The following ZNF571 variants were observed in gnomAD, a reference collection of about 807,000 sequenced individuals.
ZNF571 encodes the protein zinc finger protein 571.
In ZNF571, 4 loss-of-function variants were observed where a neutral mutation model predicts 7.7. The observed-to-expected ratio is 0.52, with a 90% confidence interval of 0.25 to 1.18. The LOEUF (loss-of-function observed/expected upper bound fraction) is 1.18, where lower values mean the gene tolerates loss of function less well. ZNF571 is among the 50% of genes most tolerant of loss of function. The probability of loss-of-function intolerance (pLI) is 0.14; values close to 1 mark genes in which losing one functional copy is unlikely to be tolerated. For missense variants in ZNF571, 704 were observed against 726.9 expected, an observed-to-expected ratio of 0.97 and a Z score of 0.36; for synonymous variants, 251 against 232.4, an observed-to-expected ratio of 1.08 and a Z score of -0.73.
intron 3 of ZNF571, among the ~76,000 whole-genome samples, chr19:37,576,738 C>T (rs1236734180): frequency 1.3e-5 from 2 of 152,110 alleles, no homozygotes; most frequent in African/African-American, 4.8e-5. Flanking sequence ...ATTCTGAATA[C>T]ATGATAGCAA....
In ZNF571 at chr19:37,565,447, T is replaced by C; in HGVS notation, c.981A>G (p.Arg327=). 4 of 1,613,008 alleles carry C rather than the reference T, an allele frequency of 2.5e-6. No homozygotes were observed. The highest frequency in any genetic ancestry group is 3.4e-6 in the Non-Finnish European group (4 of 1,179,632). Residue 327 remains arginine (R), a synonymous_variant, in exon 4 of 4, where the codon AGA becomes AGG. Coordinates refer to ENST00000451802, the MANE Select transcript of ZNF571 (RefSeq NM_016536.5). ...ILGSHLTYHQ[R]VHTGEKPYIC... ...TGTAAGGCTTTTCACCAGTATGAACTCTCTGATGGTATGTAAGGTGTGAAC... is the reference window on the plus strand; with the variant it reads ...TGTAAGGCTTTTCACCAGTATGAACCCTCTGATGGTATGTAAGGTGTGAAC...
chr19:37,591,142 CT>C (rs1374787003), intron 1 of ZNF571, among the ~76,000 whole-genome samples: 16 of 152,236 alleles, frequency 1.1e-4, no homozygotes, highest in Middle Eastern at 3.4e-3. Context: ...AAACGACAGC[CT>C]TATGGCAATG....
At chr19:37,584,339 CA>C (rs1249208952) in intron 2 of ZNF571, among the ~76,000 whole-genome samples, 3 of 152,174 alleles carry the variant, frequency 2.0e-5, no homozygotes, top group Non-Finnish European at 4.4e-5. Context: ...CAGATGTGTG[CA>C]GTTTCTTGAT....
intron 3 of ZNF571, among the ~76,000 whole-genome samples, chr19:37,571,222 G>A (rs370497724): frequency 6.6e-6 from 1 of 152,082 alleles, no homozygotes; most frequent in Non-Finnish European, 1.5e-5. Flanking sequence ...ACGATTCCAG[G>A]CACGGTGGCT....
intron 3 of ZNF571, among the ~76,000 whole-genome samples, chr19:37,576,286 A>G (rs977036688): frequency 3.3e-5 from 5 of 152,208 alleles, no homozygotes; most frequent in Admixed American, 3.3e-4. Context: ...CAAGGCACTG[A>G]CAATGCCTAA....
In ZNF571 at chr19:37,565,977, G is replaced by T. The variant is rs761281720; in HGVS notation, c.451C>A (p.Leu151Met). 1.4e-5 allele frequency: 22 copies of T among 1,613,570 alleles called. 1 individual carries two copies. In the South Asian group the frequency reaches 1.6e-4, roughly 12 times the overall value. ...TCCTCATGTTGAATAAGGCATGACA[G>T]GTAGCTGAAACCTTGTCTGCATTCC... ...CKECRQGFSY[L>M]SCLIQHEENH... The change falls in exon 4 of 4, where the codon CTG becomes ATG. Residue 151 changes from leucine (L) to methionine (M), a missense_variant. Physicochemically the swap from Leu to Met is conservative, Grantham distance 15 (BLOSUM62 2). Coordinates refer to ENST00000451802, the MANE Select transcript of ZNF571 (RefSeq NM_016536.5).
intron 3 of ZNF571, among the ~76,000 whole-genome samples, chr19:37,580,115 C>T (rs2043398547): frequency 6.6e-6 from 1 of 152,160 alleles, no homozygotes; most frequent in Non-Finnish European, 1.5e-5. Context: ...TATTGCTATT[C>T]CAACAGGAGT....
intron 1 of ZNF571, among the ~76,000 whole-genome samples, chr19:37,592,288 T>C (rs12459015): frequency 6.6e-6 from 1 of 151,942 alleles, no homozygotes; most frequent in South Asian, 2.1e-4. Flanking sequence ...CAATCATAAG[T>C]GGACGTTATA....
At chr19:37,593,337 A>G (rs116627092) in intron 1 of ZNF571, among the ~76,000 whole-genome samples, 3,311 of 152,294 alleles carry the variant, frequency 0.022, 127 homozygotes, top group African/African-American at 0.075. Context: ...GCCTGCTTGA[A>G]AACATCCACA....
chr19:37,567,803 T>G (rs2042913091), intron 3 of ZNF571: 1 of 152,198 alleles, frequency 6.6e-6, no homozygotes, highest in Admixed American at 6.5e-5. Context: ...TTTTTGCAAT[T>G]CTAAAATTTC....
At position 37,566,016 on chromosome 19, in the gene ZNF571, A is replaced by G. The variant is rs140559419; in HGVS notation, c.412T>C (p.Leu138=). 6 of 1,613,894 alleles carry G rather than the reference A, an allele frequency of 3.7e-6. No homozygotes were observed. Among genetic ancestry groups the G allele is most frequent in the Non-Finnish European group, 5.1e-6 (6 of 1,179,924 alleles). ...FHRIIPTKEK[L]YKCKECRQGF... ...TGTCTGCATTCCTTACATTTGTACA[A>G]TTTTTCCTTGGTAGGAATTATCCGA... The change falls in exon 4 of 4, where the codon TTG becomes CTG. Residue 138 remains leucine, a synonymous_variant. Coordinates refer to ENST00000451802, the MANE Select transcript of ZNF571 (RefSeq NM_016536.5).
intron 1 of ZNF571, among the ~76,000 whole-genome samples, chr19:37,592,952 C>A (rs536777023): frequency 4.6e-5 from 7 of 152,238 alleles, no homozygotes; most frequent in African/African-American, 1.7e-4. Context: ...GTTTGGCCAC[C>A]AAATGCAATG....
intron 1 of ZNF571, among the ~76,000 whole-genome samples, chr19:37,591,859 A>G (rs148917872): frequency 2.0e-3 from 307 of 152,350 alleles, no homozygotes; most frequent in African/African-American, 6.9e-3. Context: ...CCGTATTTTA[A>G]GATAACCAAA....
intron 3 of ZNF571, among the ~76,000 whole-genome samples, chr19:37,572,031 CCT>C (rs2043076999): frequency 2.4e-4 from 2 of 8,258 alleles, no homozygotes; most frequent in Non-Finnish European, 4.5e-4. Flanking sequence ...GTACATTAGT[CCT>C]ATCTATCAAT....
At chr19:37,591,364 G>A (rs1455260862) in intron 1 of ZNF571, among the ~76,000 whole-genome samples, 2 of 152,034 alleles carry the variant, frequency 1.3e-5, no homozygotes, top group Non-Finnish European at 2.9e-5. Context: ...GACTACCACT[G>A]GCTTAAAAAA....
At chr19:37,571,637 T>C (rs1338176683) in intron 3 of ZNF571, among the ~76,000 whole-genome samples, 3 of 152,252 alleles carry the variant, frequency 2.0e-5, no homozygotes, top group African/African-American at 7.2e-5. Flanking sequence ...ACACATTCAG[T>C]ATGCTCCTTG....
chr19:37,582,844 C>A (rs905541891), intron 3 of ZNF571, among the ~76,000 whole-genome samples: 3 of 152,202 alleles, frequency 2.0e-5, no homozygotes, highest in African/African-American at 7.2e-5. Flanking sequence ...AACTAGTCCT[C>A]TCATTAGTCT....
intron 3 of ZNF571, among the ~76,000 whole-genome samples, chr19:37,579,824 T>C (rs964832195): frequency 4.6e-5 from 7 of 152,190 alleles, no homozygotes; most frequent in Non-Finnish European, 1.0e-4. Flanking sequence ...ATAACCTTAA[T>C]ATACTTTTTT....
At chr19:37,583,818 G>C in intron 3 of ZNF571, 153 bp downstream of exon 3, 1 of 702,974 alleles carries the variant, frequency 1.4e-6, no homozygotes, top group South Asian at 2.0e-5. Context: ...ACAGTCTAAA[G>C]GATAAGAGAT....
Sources: allele counts gnomAD v4.1 joint callset (sites outside exome capture counted in the v4.1 genomes callset), GRCh38; gene constraint gnomAD v4.1.1; transcripts MANE v1.5; gene names NCBI Gene and HGNC (gene_info 2026-07-23, HGNC 2026-07-21).